The following TMEM237 variants were observed in gnomAD, a reference collection of about 807,000 sequenced individuals.
The protein encoded by TMEM237 is amyotrophic lateral sclerosis 2 (juvenile) chromosome region, candidate 4.
A neutral mutation model predicts 59.1 loss-of-function variants in TMEM237; 51 were observed. The observed-to-expected ratio is 0.86, with a 90% CI of 0.69 to 1.09. TMEM237 has a LOEUF of 1.09. Ranked by LOEUF, TMEM237 falls within the 50% of genes least tolerant of loss-of-function variation. The pLI, the probability that TMEM237 is intolerant of heterozygous loss-of-function variation, is 0.00. For missense variants in TMEM237, 475 were observed against 478.3 expected (o/e 0.99, Z 0.06); for synonymous variants, 140 against 166.1 (o/e 0.84, Z 1.21).
Position 201,632,142 on chromosome 2 carries a change from A to C in TMEM237, c.462T>G (p.Thr154=). Residue 154 remains threonine, a synonymous_variant, in exon 7 of 13, where the codon ACT becomes ACG. Transcript: ENST00000409883. ...ELGVEDEDII[T]DEQTTVEQQS... is the part of the protein sequence containing the mutation. ...GCTGTTCCACAGTAGTTTGCTCATC[A>C]GTGATTATGTCTTCATCTTCTACTC... The C allele has an allele frequency of 6.2e-7, 1 of 1,613,966 alleles. No homozygotes were observed. Among genetic ancestry groups the C allele is most frequent in the African/African-American group, 1.3e-5 (1 of 75,052 alleles).
In TMEM237 at chr2:201,638,068, C is replaced by T. The variant is rs533998582; in HGVS notation, c.136+921G>A. 1.3e-3 allele frequency among the ~76,000 whole-genome samples: 203 copies of T among 152,286 alleles called. 1 individual carries two copies. Among genetic ancestry groups the T allele is most frequent in the African/African-American group, 4.7e-3 (197 of 41,562 alleles). ...AGAAGTACTTCTTCCCTACCACCCACTATTTTATGCAGAACTGCAACATTG... is the reference window on the plus strand; with the variant it reads ...AGAAGTACTTCTTCCCTACCACCCATTATTTTATGCAGAACTGCAACATTG... On this transcript the variant is annotated intron_variant, in intron 4 of 12. Transcript: ENST00000409883.
In TMEM237 at chr2:201,628,065, T is replaced by C; in HGVS notation, c.943+11A>G. 6.2e-7 allele frequency: 1 copy of C among 1,600,016 alleles called. No individual in the cohort carries two copies. Among genetic ancestry groups the C allele is most frequent in the Middle Eastern group, 1.7e-4 (1 of 6,036 alleles). On this transcript the variant is annotated intron_variant, in intron 10 of 12. Coordinates refer to ENST00000409883, the MANE Select transcript of TMEM237 (RefSeq NM_001044385.3). Reference sequence around the variant, plus strand: ...GTATTACACAGTTATCATGTTAAACTGCTTACTCACAGAAAGATGCTAAAG... The same window carrying C: ...GTATTACACAGTTATCATGTTAAACCGCTTACTCACAGAAAGATGCTAAAG...
intron 1 of TMEM237, chr2:201,642,483 G>A: frequency 1.8e-6 from 2 of 1,105,056 alleles, no homozygotes; most frequent in Non-Finnish European, 2.6e-6. Flanking sequence ...TCACGTAACT[G>A]ATTTCAAAAG....
chr2:201,643,331 C>A lies in TMEM237; in HGVS notation c.42+28G>T. The A allele has an allele frequency of 1.3e-6, 2 of 1,545,536 alleles. No individual in the cohort carries two copies. Among genetic ancestry groups the A allele is most frequent in the Non-Finnish European group, 1.7e-6 (2 of 1,144,578 alleles). On this transcript the variant is annotated intron_variant, in intron 1 of 12. Transcript: ENST00000409883. This position sits in a 1 kb window ranked among gnomAD's most constrained non-coding sequence, Gnocchi z 4.3. ...GTGTAGCTGTTTACCCGCCACCTCT[C>A]GAGGCCGACGCGCCCCTCGCCGCTC...
At chr2:201,639,211 G>C (rs1232255981) in intron 3 of TMEM237, among the ~76,000 whole-genome samples, 166 bp from the exon 4 acceptor site, 1 of 152,182 alleles carries the variant, frequency 6.6e-6, no homozygotes, top group Non-Finnish European at 1.5e-5. Context: ...AGATCAGAGA[G>C]AGCCCACAGT....
At chr2:201,639,199 G>C in intron 3 of TMEM237, 154 bp from the exon 4 acceptor site, 1 of 670,950 alleles carries the variant, frequency 1.5e-6, no homozygotes, top group Non-Finnish European at 2.5e-6. Context: ...AAGAAATTGA[G>C]AAGATCAGAG....
chr2:201,637,630 G>C (rs1687323622), intron 4 of TMEM237, among the ~76,000 whole-genome samples: 1 of 151,640 alleles, frequency 6.6e-6, no homozygotes, highest in Non-Finnish European at 1.5e-5. Context: ...TGTAGTCCCA[G>C]CTACTCAAGG....
At chr2:201,640,745 T>C (rs1418025002) in intron 2 of TMEM237, 148 bp downstream of exon 2, 1 of 625,694 alleles carries the variant, frequency 1.6e-6, no homozygotes, top group Admixed American at 3.2e-5. Flanking sequence ...CAAGGATTTT[T>C]CACCTTTAAA....
intron 8 of TMEM237, 148 bp from the exon 9 acceptor site, chr2:201,629,569 A>G: frequency 7.9e-7 from 1 of 1,264,716 alleles, no homozygotes; most frequent in Non-Finnish European, 1.1e-6. Flanking sequence ...ACTGATAGGT[A>G]GATCACTCAA....
Position 201,627,593 on chromosome 2 carries a change from T to C in TMEM237, c.944-179A>G, listed in dbSNP as rs188698392. 1.9e-4 allele frequency among the ~76,000 whole-genome samples: 29 copies of C among 152,258 alleles called. No homozygotes were observed. In the East Asian group the frequency reaches 3.3e-3, roughly 17 times the overall value. ...TCCTTATATAAATTTTTGAGAACAA[T>C]AGGTGCAGAAGGATCTTTTGAGACG... On this transcript the variant is annotated intron_variant, in intron 10 of 12. Transcript: ENST00000409883.
chr2:201,642,704 C>T, intron 1 of TMEM237: 1 of 1,580,194 alleles, frequency 6.3e-7, no homozygotes. Flanking sequence ...GTCGCGCGCG[C>T]AGGCGCAATG....
At chr2:201,642,798 G>A in intron 1 of TMEM237, 1 of 1,410,634 alleles carries the variant, frequency 7.1e-7, no homozygotes, top group Non-Finnish European at 9.2e-7. Context: ...CAGGGACCTG[G>A]ATTGGCCAGT....
In TMEM237 at chr2:201,643,075, G is replaced by C; in HGVS notation, c.42+284C>G. ...GAAGCCCCGGCACCCGCCGGGCCCC[G>C]GGCCTCAGATGAGTGAGGCGTCGTC... On this transcript the variant is annotated intron_variant, in intron 1 of 12. Transcript: ENST00000409883. The surrounding 1 kb of genome is among the most constrained non-coding windows in gnomAD (Gnocchi z 4.3). 1 of 1,114,252 alleles carries C rather than the reference G, an allele frequency of 9.0e-7. No homozygotes were observed. Among genetic ancestry groups the C allele is most frequent in the Non-Finnish European group, 1.2e-6 (1 of 847,726 alleles). 69.0% of individuals were successfully genotyped at this position (1,114,252 alleles called of 1,614,324 possible). A position where few individuals can be genotyped will look rare whatever the true frequency, so the allele number is the denominator to read the frequency against.
At chr2:201,638,193 T>C (rs887557729) in intron 4 of TMEM237, among the ~76,000 whole-genome samples, 2 of 152,218 alleles carry the variant, frequency 1.3e-5, no homozygotes, top group Non-Finnish European at 2.9e-5. Context: ...TAAGAATACA[T>C]AGAACTCTAT....
chr2:201,630,348 A>G (rs1331026755), intron 7 of TMEM237, among the ~76,000 whole-genome samples: 1 of 152,232 alleles, frequency 6.6e-6, no homozygotes, highest in African/African-American at 2.4e-5. Context: ...GCTGCTTCAT[A>G]AATTTCTCTT....
rs1957757744 is a variant in TMEM237, at chr2:201,626,229, A to ACTTT, written c.1038-83_1038-82insAAAG. On this transcript the variant is annotated intron_variant, in intron 11 of 12. Transcript: ENST00000409883. Reference sequence around the variant, plus strand: ...TATATCTATTTTATGAACTTTAAGAAAAAACAGCAGTCCTCTCCTAGAGAA... The same window carrying ACTTT: ...TATATCTATTTTATGAACTTTAAGAACTTTAAAACAGCAGTCCTCTCCTAGAGAA... 4 of 1,450,192 alleles carry ACTTT rather than the reference A, an allele frequency of 2.8e-6. No homozygotes were observed. In the African/African-American group the frequency reaches 5.7e-5, roughly 21 times the overall value. 89.8% of individuals were successfully genotyped at this position (1,450,192 alleles called of 1,614,324 possible). A position where few individuals can be genotyped will look rare whatever the true frequency, so the allele number is the denominator to read the frequency against.
intron 7 of TMEM237, among the ~76,000 whole-genome samples, chr2:201,630,136 AT>A (rs1452490057): frequency 2.6e-5 from 4 of 152,198 alleles, no homozygotes; most frequent in African/African-American, 9.6e-5. Flanking sequence ...ATAAAAAAAA[AT>A]GAACTTTCAA....
At chr2:201,634,144 C>A (rs951331612) in intron 5 of TMEM237, among the ~76,000 whole-genome samples, 1 of 152,108 alleles carries the variant, frequency 6.6e-6, no homozygotes, top group African/African-American at 2.4e-5. Context: ...TGCCAGCTAA[C>A]GGCCAATCTT....
Position 201,624,046 on chromosome 2 carries a change from G to T in TMEM237, c.*209C>A, listed in dbSNP as rs945179208. The stretch of plus-strand genomic sequence containing the variant: ...TGGTTTCTAGTTCATTATTCCCTTT[G>T]TCATTAAGATGATAATGCTAGACAA... On this transcript the variant is annotated 3_prime_UTR_variant, in exon 13 of 13. Transcript: ENST00000409883. The T allele has an allele frequency of 2.5e-5, 10 of 392,454 alleles. No individual in the cohort carries two copies. The highest frequency in any genetic ancestry group is 2.1e-4 in the African/African-American group (10 of 48,298). 24.3% of individuals were successfully genotyped at this position (392,454 alleles called of 1,614,324 possible).
Sources: gnomAD v4.1 joint callset for allele counts (sites outside exome capture counted in the v4.1 genomes callset) on GRCh38, gnomAD v4.1.1 for gene constraint, Gnocchi (gnomAD v3.1) non-coding constraint, MANE v1.5 for transcripts, NCBI Gene and HGNC (gene_info 2026-07-23, HGNC 2026-07-21) for gene names.